Variants in BICC1 observed in about 807,000 individuals in gnomAD.
BICC1 encodes protein bicaudal C homolog 1.
Under a neutral mutation model 111.0 loss-of-function variants are expected in BICC1, and 43 were observed. The observed-to-expected ratio is 0.39, with a 90% CI of 0.30 to 0.50. The LOEUF (loss-of-function observed/expected upper bound fraction) is 0.50. Among genes scored for constraint, BICC1 ranks in the 20% least tolerant of loss-of-function variants. The pLI is 0.88. For synonymous variants in BICC1, 467 were observed against 434.4 expected (o/e 1.07, Z -0.93); for missense variants, 1,091 against 1,203.2 (o/e 0.91, Z 1.38).
chr10:58,601,140 T>TATATATATA (rs1554810885), intron 1 of BICC1, among the ~76,000 whole-genome samples: 18 of 100,656 alleles, frequency 1.8e-4, no homozygotes, highest in South Asian at 9.4e-4. Flanking sequence ...ATTTTAAAAC[T>TATATATATA]TATATATATA....
At chr10:58,578,849 C>T (rs1249560324) in intron 1 of BICC1, among the ~76,000 whole-genome samples, 1 of 152,162 alleles carries the variant, frequency 6.6e-6, no homozygotes, top group Non-Finnish European at 1.5e-5. Flanking sequence ...GTGCAGAATT[C>T]TCTTCCTTTG....
chr10:58,601,524 A>G (rs1024866921), intron 1 of BICC1, among the ~76,000 whole-genome samples: 16 of 151,988 alleles, frequency 1.1e-4, no homozygotes, highest in Non-Finnish European at 2.1e-4. Flanking sequence ...TACTAAGATG[A>G]CATGTTTGTG....
In BICC1 at chr10:58,769,404, G is replaced by GTATATATATATATA. The variant is rs59606054; in HGVS notation, c.308-15588_308-15575dup. On this transcript the variant is annotated intron_variant, in intron 3 of 20. Coordinates refer to ENST00000373886, the MANE Select transcript of BICC1 (RefSeq NM_001080512.3). Reference sequence around the variant, plus strand: ...TGTGTGTGTGTGTGTGTGTGTGTGTGTATATATATATATATATATATAATC... The same window carrying GTATATATATATATA: ...TGTGTGTGTGTGTGTGTGTGTGTGTGTATATATATATATATATATATATATATATATATATAATC... Among the ~76,000 whole-genome samples the GTATATATATATATA allele has an allele frequency of 1.0e-3, 111 of 109,736 alleles. No homozygotes were observed. In the East Asian group the frequency reaches 0.011, roughly 11 times the overall value. The allele number at this position is 109,736 out of a possible 152,430, so 72.0% of individuals were successfully genotyped here.
chr10:58,724,635 C>T (rs1362821406), intron 3 of BICC1, among the ~76,000 whole-genome samples: 1 of 152,214 alleles, frequency 6.6e-6, no homozygotes, highest in Admixed American at 6.5e-5. Flanking sequence ...CTGTTCCTGG[C>T]TTTTGGCTCT....
At chr10:58,531,528 A>G (rs1271928096) in intron 1 of BICC1, among the ~76,000 whole-genome samples, 1 of 151,872 alleles carries the variant, frequency 6.6e-6, no homozygotes, top group East Asian at 1.9e-4. Flanking sequence ...TAAGGCACAC[A>G]AACAGGGAAA....
rs200603263 is a variant in BICC1 at position 58,789,924 on chromosome 10, A to G, written c.1038A>G (p.Gln346=). Residue 346 remains glutamine, a synonymous_variant, in exon 8 of 21, where the codon CAA becomes CAG. Coordinates refer to ENST00000373886, the MANE Select transcript of BICC1 (RefSeq NM_001080512.3). The part of the protein sequence containing the change: ...GTIESVCLAR[Q]YLMGCLPLVL... Reference sequence around the variant, plus strand: ...TTGAGTCTGTCTGTCTTGCAAGGCAATATCTCATGGTAAGGTTACTGAAAT... The same window carrying G: ...TTGAGTCTGTCTGTCTTGCAAGGCAGTATCTCATGGTAAGGTTACTGAAAT... 1.1e-4 allele frequency: 174 copies of G among 1,614,108 alleles called. No homozygotes were observed. In the East Asian group the frequency reaches 3.2e-3, roughly 30 times the overall value.
rs1304285398 is a variant in BICC1 at position 58,513,346 on chromosome 10, C to G, written c.190+13C>G. On this transcript the variant is annotated intron_variant, in intron 1 of 20. Coordinates refer to ENST00000373886, the MANE Select transcript of BICC1 (RefSeq NM_001080512.3). ...GCCATGTTACAAGGTAGGCATCCCT[C>G]GTGTTCTCGGACTCTCCGACTGAGC... 6.3e-7 allele frequency: 1 copy of G among 1,597,940 alleles called. No homozygotes were observed. The highest frequency in any genetic ancestry group is 8.6e-7 in the Non-Finnish European group (1 of 1,169,564).
chr10:58,823,269 C>T (rs1413022596), intron 20 of BICC1: 25 of 985,266 alleles, frequency 2.5e-5, no homozygotes, highest in Non-Finnish European at 2.9e-5. Flanking sequence ...TGAGAGCTGC[C>T]AGGATTGTGT....
intron 2 of BICC1, among the ~76,000 whole-genome samples, chr10:58,684,937 C>G (rs1340667947): frequency 6.6e-6 from 1 of 152,058 alleles, no homozygotes; most frequent in African/African-American, 2.4e-5. Context: ...GTTCTTGCTT[C>G]TCTAGTTCTT....
intron 15 of BICC1, among the ~76,000 whole-genome samples, chr10:58,804,006 G>C (rs912593923): frequency 8.5e-5 from 13 of 152,138 alleles, no homozygotes; most frequent in Admixed American, 6.5e-4. Context: ...GAGGAAGAAC[G>C]TTCCACAAAA....
intron 2 of BICC1, among the ~76,000 whole-genome samples, chr10:58,672,242 C>G (rs1375355371): frequency 6.6e-6 from 1 of 152,114 alleles, no homozygotes; most frequent in Non-Finnish European, 1.5e-5. Flanking sequence ...CAATAATCAC[C>G]CATTTCTCCC....
chr10:58,637,594 A>G (rs545288099), intron 2 of BICC1, among the ~76,000 whole-genome samples: 14 of 152,302 alleles, frequency 9.2e-5, no homozygotes, highest in South Asian at 2.1e-4. Flanking sequence ...GCCCTTTGCT[A>G]TAAGATGATG....
intron 3 of BICC1, among the ~76,000 whole-genome samples, chr10:58,772,036 T>C (rs1214019270): frequency 6.6e-6 from 1 of 152,190 alleles, no homozygotes; most frequent in East Asian, 1.9e-4. Flanking sequence ...CTGGCTTGGA[T>C]CATGGTGTCA....
At chr10:58,596,970 C>G (rs934381449) in intron 1 of BICC1, among the ~76,000 whole-genome samples, 4 of 152,132 alleles carry the variant, frequency 2.6e-5, no homozygotes, top group Non-Finnish European at 5.9e-5. Flanking sequence ...TGAAAATGGC[C>G]GTACTGCCCA....
At chr10:58,524,009 C>G (rs1329699534) in intron 1 of BICC1, among the ~76,000 whole-genome samples, 1 of 152,034 alleles carries the variant, frequency 6.6e-6, no homozygotes, top group Non-Finnish European at 1.5e-5. Context: ...TGAAGGACCT[C>G]TTCAAGGAGA....
At chr10:58,539,991 AAT>A (rs1448852301) in intron 1 of BICC1, among the ~76,000 whole-genome samples, 1 of 151,930 alleles carries the variant, frequency 6.6e-6, no homozygotes, top group Non-Finnish European at 1.5e-5. Context: ...AAAATTCACA[AAT>A]ATGTGGAAAT....
chr10:58,738,762 A>G (rs917267798), intron 3 of BICC1, among the ~76,000 whole-genome samples: 1 of 151,478 alleles, frequency 6.6e-6, no homozygotes, highest in Non-Finnish European at 1.5e-5. Flanking sequence ...CTTTGATTTC[A>G]TTGAGCAGTG....
At chr10:58,583,231 T>A (rs1844329250) in intron 1 of BICC1, among the ~76,000 whole-genome samples, 1 of 151,920 alleles carries the variant, frequency 6.6e-6, no homozygotes, top group South Asian at 2.1e-4. Flanking sequence ...TTTCTTAAAA[T>A]TTTTTTTTAT....
intron 1 of BICC1, among the ~76,000 whole-genome samples, chr10:58,617,297 C>T (rs1382319114): frequency 6.6e-6 from 1 of 152,206 alleles, no homozygotes; most frequent in African/African-American, 2.4e-5. Flanking sequence ...CTAGCACAGA[C>T]ATCCACTTTA....
Sources: gnomAD v4.1 joint callset for allele counts (sites outside exome capture counted in the v4.1 genomes callset) on GRCh38, gnomAD v4.1.1 for gene constraint, MANE v1.5 for transcripts, NCBI Gene and HGNC (gene_info 2026-07-23, HGNC 2026-07-21) for gene names.